The following OTUD5 variants were observed in gnomAD, a reference collection of about 807,000 sequenced individuals.
OTUD5 encodes OTU deubiquitinase 5.
Under a neutral mutation model 36.3 loss-of-function variants are expected in OTUD5, and 2 were observed. That is an observed-to-expected ratio of 0.06 (90% confidence interval 0.02 to 0.17). The LOEUF is 0.17. Among genes scored for constraint, OTUD5 ranks in the 10% least tolerant of loss-of-function variants. The pLI is 1.00. For missense variants in OTUD5, 233 were observed against 512.3 expected, an observed-to-expected ratio of 0.45 and a Z score of 5.26; for synonymous variants, 234 against 214.9, an observed-to-expected ratio of 1.09 and a Z score of -0.78.
upstream of OTUD5, chrX:48,957,725 AGGAGGCGGCGGC>A (rs781855437): frequency 0.022 from 8,176 of 372,798 alleles, 36 homozygotes; most frequent in Non-Finnish European, 0.026. Flanking sequence ...TCGGCGGCGG[AGGAGGCGGCGGC>A]GGCGGCGGCG....
chrX:48,935,394 G>C (rs1386789306), intron 2 of OTUD5, among the ~76,000 whole-genome samples: 1 of 111,515 alleles, frequency 9.0e-6, no homozygotes, highest in Non-Finnish European at 1.9e-5. Context: ...AGGTTCAGGG[G>C]GAGTTTGTGG....
At chrX:48,939,907 C>T (rs1401325496) in intron 2 of OTUD5, 2 of 112,832 alleles carry the variant, frequency 1.8e-5, no homozygotes, top group East Asian at 5.6e-4. Flanking sequence ...CCAGAAGAGC[C>T]ACAGCAAGTT....
chrX:48,932,617 G>A (rs1413644294), intron 5 of OTUD5, among the ~76,000 whole-genome samples: 8 of 110,562 alleles, frequency 7.2e-5, no homozygotes, highest in African/African-American at 1.3e-4. Flanking sequence ...GTGAGCCACC[G>A]CACCTGGCCA....
chrX:48,956,989 G>A lies in OTUD5; in HGVS notation c.582C>T (p.Ala194=), dbSNP rs782369636. The change falls in exon 1 of 9, where the codon GCC becomes GCT. Residue 194 remains alanine, a synonymous_variant. Transcript: ENST00000376488. ...AAARIEAMDP[A]TVEQQEHWFE... ...CCACAGCTCTTACCTGCTCGACAGTGGCAGGGTCCATAGCCTCGATGCGTG... is the reference window on the plus strand; with the variant it reads ...CCACAGCTCTTACCTGCTCGACAGTAGCAGGGTCCATAGCCTCGATGCGTG... 68 of 1,182,034 alleles carry A rather than the reference G, an allele frequency of 5.8e-5. No individual in the cohort carries two copies. The highest frequency in any genetic ancestry group is 6.5e-5 in the Non-Finnish European group (57 of 881,166).
At position 48,923,616 on chromosome X, in the gene OTUD5, A is replaced by C; in HGVS notation, c.1579+17T>G. 8.9e-7 allele frequency: 1 copy of C among 1,123,668 alleles called. No individual in the cohort carries two copies. The highest frequency in any genetic ancestry group is 1.2e-6 in the Non-Finnish European group (1 of 821,062). 92.6% of individuals were successfully genotyped at this position (1,123,668 alleles called of 1,213,427 possible). On this transcript the variant is annotated intron_variant, in intron 8 of 8. Transcript: ENST00000376488. ...AGCTCCTAGCAGCCTCCATCCCCCC[A>C]GACAAAGGAGGCTTACCAAAGGCAG... is the stretch of plus-strand genomic sequence containing the variant.
chrX:48,930,814 C>A (rs782805980), intron 5 of OTUD5, among the ~76,000 whole-genome samples: 1 of 110,629 alleles, frequency 9.0e-6, no homozygotes, highest in East Asian at 2.8e-4. Context: ...ATACAAAAAA[C>A]AGCTGGGTGT....
At chrX:48,944,423 C>T in intron 1 of OTUD5, 140 bp from the exon 2 acceptor site, 1 of 449,284 alleles carries the variant, frequency 2.2e-6, no homozygotes, top group Non-Finnish European at 3.9e-6. Context: ...TGTTTGACCA[C>T]TCCATGCATG....
chrX:48,950,689 G>A (rs368010729), intron 1 of OTUD5, among the ~76,000 whole-genome samples: 33 of 107,983 alleles, frequency 3.1e-4, no homozygotes, highest in East Asian at 2.3e-3. Flanking sequence ...TCAGCCTCCC[G>A]AGTAGCTGGG....
chrX:48,949,281 C>A (rs1711592799), intron 1 of OTUD5, among the ~76,000 whole-genome samples: 1 of 112,242 alleles, frequency 8.9e-6, no homozygotes, highest in African/African-American at 3.2e-5. Context: ...GGCGTCGTGG[C>A]TCATGCCTGC....
rs192605722 is a variant in OTUD5, at chrX:48,954,312, T to A, written c.594+2665A>T. Among the ~76,000 whole-genome samples the A allele has an allele frequency of 3.6e-5, 4 of 110,591 alleles. No individual in the cohort carries two copies. In the East Asian group the frequency reaches 1.1e-3, roughly 31 times the overall value. ...TATAAGGGAGGGACTGCAAGGGGCA[T>A]AAGGAAGTGTTTTTGAGTTACCATG... On this transcript the variant is annotated intron_variant, in intron 1 of 8. Transcript: ENST00000376488.
chrX:48,923,108 G>A lies in OTUD5; in HGVS notation c.*66C>T, dbSNP rs188471564. 4.9e-5 allele frequency: 59 copies of A among 1,204,676 alleles called. No individual in the cohort carries two copies. Among genetic ancestry groups the A allele is most frequent in the Admixed American group, 4.0e-4 (18 of 45,514 alleles). ...AGGCAAGAGGGAAGAAGCCAAAGAA[G>A]GTGAGGTGGCACCGGAGAGCAGGAG... On this transcript the variant is annotated 3_prime_UTR_variant, in exon 9 of 9. Transcript: ENST00000376488.
chrX:48,926,808 T>C (rs1262504645), intron 5 of OTUD5, among the ~76,000 whole-genome samples: 3 of 110,827 alleles, frequency 2.7e-5, no homozygotes, highest in Non-Finnish European at 5.7e-5. Context: ...GGGGAAGTAG[T>C]GGGTGTGTGA....
chrX:48,951,928 T>C (rs1484409351), intron 1 of OTUD5, among the ~76,000 whole-genome samples: 2 of 109,325 alleles, frequency 1.8e-5, no homozygotes, highest in Non-Finnish European at 3.8e-5. Flanking sequence ...TGGTGGCAGA[T>C]GCCTGTAGCC....
chrX:48,947,480 A>G (rs2064050445), intron 1 of OTUD5, among the ~76,000 whole-genome samples: 1 of 110,605 alleles, frequency 9.0e-6, no homozygotes, highest in Admixed American at 9.6e-5. Context: ...AGGTGGGCGG[A>G]TCACCTGAGG....
At chrX:48,940,400 G>A (rs1358531632) in intron 2 of OTUD5, 1 of 113,559 alleles carries the variant, frequency 8.8e-6, no homozygotes, top group Non-Finnish European at 1.9e-5. Flanking sequence ...ATAGGGTAGG[G>A]TCTTGGCTTT....
At chrX:48,948,931 G>A (rs782782990) in intron 1 of OTUD5, among the ~76,000 whole-genome samples, 42 of 111,792 alleles carry the variant, frequency 3.8e-4, no homozygotes, top group Non-Finnish European at 7.5e-4. Flanking sequence ...TAACCTAGTG[G>A]TCTAAGGGCC....
rs1399235419 is a variant in OTUD5 at position 48,957,502 on chromosome X, GGGC to G, written c.66_68del (p.Pro23del). On this transcript the variant is annotated inframe_deletion, in exon 1 of 9. Transcript: ENST00000376488. ...GCCGCGGCGCCGGGGGCATCGGCCC[GGGC>G]GGCGGCGGCTCGTTGGCGGGGTCGG... 2.4e-6 allele frequency: 2 copies of G among 822,276 alleles called. No individual in the cohort carries two copies. Among genetic ancestry groups the G allele is most frequent in the Non-Finnish European group, 3.0e-6 (2 of 675,608 alleles). The allele number at this position is 822,276 out of a possible 1,213,427, so 67.8% of individuals were successfully genotyped here.
At chrX:48,942,280 C>CACACAG (rs1475092896) in intron 2 of OTUD5, among the ~76,000 whole-genome samples, 2 of 91,131 alleles carry the variant, frequency 2.2e-5, no homozygotes, top group South Asian at 5.6e-4. Context: ...CACACACACA[C>CACACAG]AGAGAACAGC....
chrX:48,923,356 C>T, intron 8 of OTUD5, 61 bp from the exon 9 acceptor site: 1 of 944,787 alleles, frequency 1.1e-6, no homozygotes, highest in Non-Finnish European at 1.5e-6. Context: ...CTTCTCCTCA[C>T]CCTGTGCCGA....
Sources: allele counts gnomAD v4.1 joint callset (sites outside exome capture counted in the v4.1 genomes callset), GRCh38; gene constraint gnomAD v4.1.1; transcripts MANE v1.5; gene names NCBI Gene and HGNC (gene_info 2026-07-23, HGNC 2026-07-21).